CDH23: variants seen among roughly 807,000 people sequenced by gnomAD.
CDH23 encodes the protein cadherin-23.
A neutral mutation model predicts 317.1 loss-of-function variants in CDH23; 189 were observed. The observed-to-expected ratio is 0.60, with a 90% confidence interval of 0.53 to 0.67. The LOEUF (loss-of-function observed/expected upper bound fraction) is 0.67, where lower values mean the gene tolerates loss of function less well. Among genes scored for constraint, CDH23 ranks in the 30% least tolerant of loss-of-function variants. The pLI is 0.00. For synonymous variants in CDH23, 1,839 were observed against 1,876.8 expected, an observed-to-expected ratio of 0.98 and a Z score of 0.52; for missense variants, 4,401 against 4,592.4, an observed-to-expected ratio of 0.96 and a Z score of 1.20.
At chr10:71,521,943 A>G (rs1007727424) in intron 6 of CDH23, among the ~76,000 whole-genome samples, 2 of 152,104 alleles carry the variant, frequency 1.3e-5, no homozygotes, top group African/African-American at 4.8e-5. Context: ...TGTGCACAGT[A>G]AGACAAGTGC....
intron 3 of CDH23, among the ~76,000 whole-genome samples, chr10:71,500,351 G>T (rs941012639): frequency 6.6e-6 from 1 of 152,132 alleles, no homozygotes; most frequent in African/African-American, 2.4e-5. Context: ...GGTTTGTGTC[G>T]TCCGGCTCTG....
At chr10:71,434,965 G>C (rs114931045) in intron 1 of CDH23, among the ~76,000 whole-genome samples, 1 of 152,154 alleles carries the variant, frequency 6.6e-6, no homozygotes, top group African/African-American at 2.4e-5. Context: ...GCATACCTTG[G>C]CTGTGAGCAT....
At chr10:71,399,444 G>A (rs1016267708) in intron 1 of CDH23, among the ~76,000 whole-genome samples, 1 of 152,240 alleles carries the variant, frequency 6.6e-6, no homozygotes, top group South Asian at 2.1e-4. Context: ...ACAGAGATGA[G>A]AATGAGATTG....
chr10:71,412,629 T>C (rs1591952), intron 1 of CDH23, among the ~76,000 whole-genome samples: 56,314 of 152,072 alleles, frequency 0.37, 11,422 homozygotes, highest in African/African-American at 0.54. Flanking sequence ...ACGCCTCAGC[T>C]TCCCAAGTAG....
intron 3 of CDH23, among the ~76,000 whole-genome samples, chr10:71,450,061 C>T (rs1403139824): frequency 6.6e-6 from 1 of 152,198 alleles, no homozygotes; most frequent in Non-Finnish European, 1.5e-5. Context: ...TTGCTCCAGA[C>T]GTTAATATCA....
chr10:71,605,248 T>C (rs1860462876), intron 9 of CDH23, among the ~76,000 whole-genome samples: 1 of 151,396 alleles, frequency 6.6e-6, no homozygotes, highest in Non-Finnish European at 1.5e-5. Flanking sequence ...TGACCTTTTT[T>C]TTTTAAAAAA....
rs115631149 is a variant in CDH23 at position 71,541,538 on chromosome 10, C to T, written c.430-25204C>T. On this transcript the variant is annotated intron_variant, in intron 6 of 69. Transcript: ENST00000224721. ...ATTGAGGAGCACTGTGGAGAGTGTG[C>T]GTGCTATCATTTGATGGGATTCACC... 4.8e-3 allele frequency among the ~76,000 whole-genome samples: 724 copies of T among 152,322 alleles called. 8 individuals are homozygous for T. The highest frequency in any genetic ancestry group is 0.015 in the African/African-American group (617 of 41,554).
In CDH23 at chr10:71,683,147, G is replaced by C. The variant is rs182093677; in HGVS notation, c.1986+575G>C. Among the ~76,000 whole-genome samples the C allele has an allele frequency of 1.4e-4, 21 of 152,284 alleles. 1 individual carries two copies. Among genetic ancestry groups the C allele is most frequent in the African/African-American group, 4.6e-4 (19 of 41,560 alleles). Reference sequence around the variant, plus strand: ...AATCCATCTCCACGCTGGTTCATTTGCCCAATGCCACACGGGGATGCAGAG... The same window carrying C: ...AATCCATCTCCACGCTGGTTCATTTCCCCAATGCCACACGGGGATGCAGAG... On this transcript the variant is annotated intron_variant, in intron 18 of 69. Transcript: ENST00000224721.
intron 11 of CDH23, among the ~76,000 whole-genome samples, chr10:71,635,542 G>C (rs1419073594): frequency 1.3e-5 from 2 of 152,174 alleles, no homozygotes; most frequent in African/African-American, 4.8e-5. Context: ...GATCCCGTCT[G>C]TGCAGGCGTG....
chr10:71,590,820 G>A (rs1362710181), intron 9 of CDH23, among the ~76,000 whole-genome samples: 1 of 142,214 alleles, frequency 7.0e-6, no homozygotes, highest in Non-Finnish European at 1.5e-5. Context: ...GAACTAAGAT[G>A]GCCCCACTGC....
At chr10:71,469,371 C>T (rs1056815876) in intron 3 of CDH23, among the ~76,000 whole-genome samples, 1 of 152,216 alleles carries the variant, frequency 6.6e-6, no homozygotes, top group African/African-American at 2.4e-5. Flanking sequence ...TTCTCCAGAA[C>T]TTTACGTACA....
chr10:71,509,049 A>AT (rs560278470), intron 3 of CDH23, among the ~76,000 whole-genome samples: 1 of 152,208 alleles, frequency 6.6e-6, no homozygotes, highest in South Asian at 2.1e-4. Flanking sequence ...TAGACCAGGC[A>AT]TCCTGAAGCC....
intron 3 of CDH23, among the ~76,000 whole-genome samples, chr10:71,501,224 C>T (rs565576353): frequency 6.6e-6 from 1 of 152,158 alleles, no homozygotes; most frequent in South Asian, 2.1e-4. Context: ...TGTGTAAGGC[C>T]ATTAGGAGAA....
At chr10:71,585,347 C>T (rs1006251061) in intron 9 of CDH23, among the ~76,000 whole-genome samples, 5 of 152,162 alleles carry the variant, frequency 3.3e-5, no homozygotes, top group South Asian at 2.1e-4. Flanking sequence ...CAAAACACCC[C>T]ATTCTTCATC....
At chr10:71,546,855 C>T (rs1391983792) in intron 6 of CDH23, among the ~76,000 whole-genome samples, 2 of 152,180 alleles carry the variant, frequency 1.3e-5, no homozygotes, top group Non-Finnish European at 1.5e-5. Context: ...CAGTGTGCCT[C>T]CACTTCCCAG....
chr10:71,530,818 T>G (rs1316080298), intron 6 of CDH23, among the ~76,000 whole-genome samples: 3 of 152,256 alleles, frequency 2.0e-5, no homozygotes, highest in African/African-American at 7.2e-5. Context: ...CAGCACTTTC[T>G]AGGCATCGTT....
At chr10:71,791,445 G>A in intron 47 of CDH23, 110 bp downstream of exon 47, 1 of 883,898 alleles carries the variant, frequency 1.1e-6, no homozygotes, top group Non-Finnish European at 1.8e-6. Context: ...GGAGAAAGAT[G>A]GGCAGCAGGG....
At chr10:71,481,485 C>T (rs557004683) in intron 3 of CDH23, among the ~76,000 whole-genome samples, 12 of 152,238 alleles carry the variant, frequency 7.9e-5, no homozygotes, top group Admixed American at 2.0e-4. Flanking sequence ...GTCTAAATGG[C>T]GCCTCTTCTC....
At chr10:71,488,914 A>G (rs772811333) in intron 3 of CDH23, among the ~76,000 whole-genome samples, 2 of 152,206 alleles carry the variant, frequency 1.3e-5, no homozygotes, top group African/African-American at 2.4e-5. Flanking sequence ...CTTTCAGTCT[A>G]TTGACTTTGG....
Sources: allele counts gnomAD v4.1 joint callset (sites outside exome capture counted in the v4.1 genomes callset), GRCh38; gene constraint gnomAD v4.1.1; transcripts MANE v1.5; gene names NCBI Gene and HGNC (gene_info 2026-07-23, HGNC 2026-07-21).